The following SP1 variants were observed in gnomAD, a reference collection of about 807,000 sequenced individuals.
SP1 encodes the protein transcription factor Sp1.
A neutral mutation model predicts 66.3 loss-of-function variants in SP1; 6 were observed. That is an observed-to-expected ratio of 0.09 (90% CI 0.05 to 0.18). The LOEUF (loss-of-function observed/expected upper bound fraction) is 0.18. Among genes scored for constraint, SP1 ranks in the 10% least tolerant of loss-of-function variants. The probability of loss-of-function intolerance (pLI) is 1.00; values close to 1 mark genes in which losing one functional copy is unlikely to be tolerated. For synonymous variants in SP1, 417 were observed against 360.8 expected, an observed-to-expected ratio of 1.16 and a Z score of -1.77; for missense variants, 848 against 964.5, an observed-to-expected ratio of 0.88 and a Z score of 1.60.
intron 3 of SP1, among the ~76,000 whole-genome samples, chr12:53,403,212 A>G (rs1340537356): frequency 6.6e-6 from 1 of 152,182 alleles, no homozygotes; most frequent in African/African-American, 2.4e-5. Context: ...AGAGCTGAAA[A>G]GGATAGAGAT....
chr12:53,382,521 A>T lies in SP1; in HGVS notation c.574A>T (p.Thr192Ser), dbSNP rs559493502. Residue 192 changes from threonine to serine, a missense_variant, in exon 3 of 6, where the codon ACT becomes TCT. Thr to Ser is a moderately conservative substitution (Grantham distance 58). Around this residue, in one of 7 missense-constraint regions of SP1, gnomAD observed 606 missense variants for 589.9 expected, o/e 1.03. Transcript: ENST00000327443. ...VDGQQLQFAATGAQVQQDGSG... is the reference protein window; with the variant it reads ...VDGQQLQFAASGAQVQQDGSG... ...TGGGCAACAGCTGCAGTTTGCTGCC[A>T]CTGGGGCCCAAGTGCAGCAGGATGG... The T allele has an allele frequency of 3.1e-6, 5 of 1,614,162 alleles. No homozygotes were observed. In the East Asian group the frequency reaches 1.1e-4, roughly 36 times the overall value.
intron 4 of SP1, among the ~76,000 whole-genome samples, chr12:53,408,239 C>CT (rs1443469791): frequency 1.2e-4 from 14 of 120,396 alleles, no homozygotes; most frequent in African/African-American, 4.0e-4. Flanking sequence ...GAGTGAGACT[C>CT]TGTCTCAAAA....
In SP1 at chr12:53,383,510, T is replaced by G; in HGVS notation, c.1563T>G (p.Ala521=). ...CTGGCACAGTCACTGTGAATGCTGCTCAACTCTCCTCCATGCCAGGCCTCC... is the reference window on the plus strand; with the variant it reads ...CTGGCACAGTCACTGTGAATGCTGCGCAACTCTCCTCCATGCCAGGCCTCC... The part of the protein sequence containing the change: ...IPAGTVTVNA[A]QLSSMPGLQT... The change falls in exon 3 of 6, where the codon GCT becomes GCG. Residue 521 remains alanine, a synonymous_variant. Transcript: ENST00000327443. 1.9e-6 allele frequency: 3 copies of G among 1,614,178 alleles called. No homozygotes were observed. The highest frequency in any genetic ancestry group is 2.5e-6 in the Non-Finnish European group (3 of 1,180,038).
intron 4 of SP1, among the ~76,000 whole-genome samples, chr12:53,408,236 A>C (rs1938793696): frequency 8.3e-6 from 1 of 120,918 alleles, no homozygotes; most frequent in Non-Finnish European, 1.7e-5. Context: ...ACAGAGTGAG[A>C]CTCTGTCTCA....
intron 4 of SP1, among the ~76,000 whole-genome samples, chr12:53,408,267 G>A (rs1209264809): frequency 7.0e-6 from 1 of 141,950 alleles, no homozygotes; most frequent in Non-Finnish European, 1.5e-5. Context: ...AAAGAGCTTC[G>A]CTCTTGTTGC....
At chr12:53,391,740 C>T (rs1331382877) in intron 3 of SP1, among the ~76,000 whole-genome samples, 13 of 151,438 alleles carry the variant, frequency 8.6e-5, no homozygotes. Flanking sequence ...GTTTTTCCAA[C>T]ATTACCCCCG....
chr12:53,405,437 G>A (rs1012433807), intron 3 of SP1, among the ~76,000 whole-genome samples: 2 of 152,132 alleles, frequency 1.3e-5, no homozygotes, highest in Non-Finnish European at 2.9e-5. Context: ...CGAAGGCCGA[G>A]GCGGGTGGAT....
intron 3 of SP1, among the ~76,000 whole-genome samples, chr12:53,385,289 G>C (rs1283201200): frequency 6.9e-6 from 1 of 144,818 alleles, no homozygotes; most frequent in Non-Finnish European, 1.5e-5. Context: ...GCAAGACCCT[G>C]TCTCAAAAAA....
chr12:53,400,483 A>G (rs185044755), intron 3 of SP1, among the ~76,000 whole-genome samples: 5 of 152,194 alleles, frequency 3.3e-5, no homozygotes, highest in Admixed American at 6.5e-5. Context: ...ATTTGTTTAT[A>G]CGTTTTTGTG....
rs1938969870 is a variant in SP1, at chr12:53,415,130, C to T, written c.*3890C>T. ...AAGGGAGGAAGATATGGCACTTCTC[C>T]AACCCCGGAAAACATTGCTTTTGAA... On this transcript the variant is annotated 3_prime_UTR_variant, in exon 6 of 6. Coordinates refer to ENST00000327443, the MANE Select transcript of SP1 (RefSeq NM_138473.3). 1.3e-5 allele frequency: 2 copies of T among 152,458 alleles called. No individual in the cohort carries two copies. Among genetic ancestry groups the T allele is most frequent in the African/African-American group, 4.8e-5 (2 of 41,400 alleles). 9.4% of individuals were successfully genotyped at this position (152,458 alleles called of 1,614,324 possible).
chr12:53,412,945 T>C lies in SP1; in HGVS notation c.*1705T>C, dbSNP rs1938925194. 2 of 151,824 alleles carry C rather than the reference T, an allele frequency of 1.3e-5. No individual in the cohort carries two copies. Among genetic ancestry groups the C allele is most frequent in the South Asian group, 4.2e-4 (2 of 4,804 alleles). 9.4% of individuals were successfully genotyped at this position (151,824 alleles called of 1,614,324 possible). A position where few individuals can be genotyped will look rare whatever the true frequency, so the allele number is the denominator to read the frequency against. The stretch of plus-strand genomic sequence containing the variant: ...AAAAATAGCTCTGTGTGTGTGTGTG[T>C]GTGTGTGTGTGTGTGTGTGTGTAAT... On this transcript the variant is annotated 3_prime_UTR_variant, in exon 6 of 6. Transcript: ENST00000327443.
At chr12:53,408,175 G>A (rs1245695265) in intron 4 of SP1, among the ~76,000 whole-genome samples, 1 of 143,590 alleles carries the variant, frequency 7.0e-6, no homozygotes, top group African/African-American at 2.5e-5. Context: ...GAACTTGGGA[G>A]GTGGAGGTTG....
intron 5 of SP1, 118 bp downstream of exon 5, chr12:53,409,679 C>A: frequency 1.2e-6 from 1 of 852,814 alleles, no homozygotes; most frequent in Non-Finnish European, 1.8e-6. Flanking sequence ...ATATATGGGT[C>A]ACAAATGGAA....
At chr12:53,403,381 T>G (rs1938655574) in intron 3 of SP1, among the ~76,000 whole-genome samples, 1 of 152,134 alleles carries the variant, frequency 6.6e-6, no homozygotes, top group Non-Finnish European at 1.5e-5. Context: ...TTTTTTGAGA[T>G]GGGCTCTGTC....
intron 5 of SP1, among the ~76,000 whole-genome samples, chr12:53,410,544 G>A (rs942025400): frequency 3.3e-5 from 5 of 150,990 alleles, no homozygotes; most frequent in African/African-American, 7.3e-5. Context: ...AGTCTCTGTC[G>A]CCCAGGCTGG....
In SP1 at chr12:53,380,246, AC is replaced by A. The variant is rs762191785; in HGVS notation, c.-39del. ...TCCGCGTTTTTCCCGGCCCCCCCCA[AC>A]CCCCCCGGACAGGACCCCCTTGAGC... On this transcript the variant is annotated 5_prime_UTR_variant, in exon 1 of 6. Coordinates refer to ENST00000327443, the MANE Select transcript of SP1 (RefSeq NM_138473.3). 12 of 570,374 alleles carry A rather than the reference AC, an allele frequency of 2.1e-5. No individual in the cohort carries two copies. Among genetic ancestry groups the A allele is most frequent in the Middle Eastern group, 3.0e-4 (1 of 3,288 alleles). 35.3% of individuals were successfully genotyped at this position (570,374 alleles called of 1,614,324 possible). A position where few individuals can be genotyped will look rare whatever the true frequency, so the allele number is the denominator to read the frequency against.
rs1938897401 is a variant in SP1 at position 53,411,906 on chromosome 12, T to C, written c.*666T>C. ...TACATAATGTTTTTCCTTTCTTAAT[T>C]TTGTCTTTTTGTTTGGGATCAGCTT... is the stretch of plus-strand genomic sequence containing the variant. On this transcript the variant is annotated 3_prime_UTR_variant, in exon 6 of 6. Coordinates refer to ENST00000327443, the MANE Select transcript of SP1 (RefSeq NM_138473.3). 6.6e-6 allele frequency: 1 copy of C among 152,388 alleles called. No individual in the cohort carries two copies. The highest frequency in any genetic ancestry group is 6.6e-5 in the Admixed American group (1 of 15,240). 9.4% of individuals were successfully genotyped at this position (152,388 alleles called of 1,614,324 possible).
At chr12:53,402,334 C>G (rs553359119) in intron 3 of SP1, among the ~76,000 whole-genome samples, 54 of 151,748 alleles carry the variant, frequency 3.6e-4, no homozygotes, top group African/African-American at 1.2e-3. Context: ...AGCGATTGTC[C>G]TGCCTCAGCC....
At chr12:53,385,868 G>A (rs1443376969) in intron 3 of SP1, among the ~76,000 whole-genome samples, 1 of 150,368 alleles carries the variant, frequency 6.7e-6, no homozygotes, top group Non-Finnish European at 1.5e-5. Flanking sequence ...AGCCAAGATC[G>A]TGCCACTGCA....
Sources: gnomAD v4.1 joint callset for allele counts (sites outside exome capture counted in the v4.1 genomes callset) on GRCh38, gnomAD v4.1.1 for gene constraint, gnomAD v4.1.1 regional missense constraint, MANE v1.5 for transcripts, NCBI Gene and HGNC (gene_info 2026-07-23, HGNC 2026-07-21) for gene names.